VAC14: variants seen among roughly 807,000 people sequenced by gnomAD.
VAC14 encodes the protein protein VAC14 homolog.
In VAC14, 47 loss-of-function variants were observed where a neutral mutation model predicts 85.3. The ratio of observed to expected loss-of-function variants is 0.55; its 90% confidence interval spans 0.44 to 0.70. The LOEUF is 0.70. Ranked by LOEUF, VAC14 falls within the 30% of genes least tolerant of loss-of-function variation. VAC14 has a pLI of 0.00. For synonymous variants in VAC14, 447 were observed against 430.5 expected (o/e 1.04, Z -0.47); for missense variants, 861 against 1,004.3 (o/e 0.86, Z 1.93).
At chr16:70,693,475 G>A (rs1322623645) in intron 17 of VAC14, among the ~76,000 whole-genome samples, 1 of 152,220 alleles carries the variant, frequency 6.6e-6, no homozygotes, top group Admixed American at 6.5e-5. Context: ...GGGCAGGATG[G>A]AAAAACGCCT....
At chr16:70,786,888 C>T (rs1344434334) in intron 1 of VAC14, among the ~76,000 whole-genome samples, 2 of 152,186 alleles carry the variant, frequency 1.3e-5, no homozygotes, top group African/African-American at 4.8e-5. Context: ...CTCCTCGGGC[C>T]GTCCAGGAGG....
At chr16:70,744,350 C>T (rs1487127502) in intron 13 of VAC14, 73 bp downstream of exon 13, 13 of 1,583,506 alleles carry the variant, frequency 8.2e-6, no homozygotes, top group African/African-American at 2.7e-5. Context: ...CCCAAAGGAC[C>T]GCCATGGTCC....
At chr16:70,775,659 G>C (rs1239574218) in intron 9 of VAC14, among the ~76,000 whole-genome samples, 1 of 152,234 alleles carries the variant, frequency 6.6e-6, no homozygotes, top group Non-Finnish European at 1.5e-5. Context: ...CTGTCTGATG[G>C]ACCAGGGCCT....
chr16:70,779,392 T>G (rs2033696647), intron 9 of VAC14, among the ~76,000 whole-genome samples: 1 of 152,232 alleles, frequency 6.6e-6, no homozygotes, highest in East Asian at 1.9e-4. Context: ...TGAGTAGGCT[T>G]AGTCTTCCCT....
At chr16:70,799,042 T>C (rs772187764) in intron 1 of VAC14, among the ~76,000 whole-genome samples, 1 of 152,170 alleles carries the variant, frequency 6.6e-6, no homozygotes, top group Non-Finnish European at 1.5e-5. Context: ...CTTACAGAAC[T>C]GTGTGCAGAG....
chr16:70,691,447 C>G, intron 18 of VAC14: 2 of 985,292 alleles, frequency 2.0e-6, no homozygotes, highest in Non-Finnish European at 2.4e-6. Context: ...CAGCAAGGCC[C>G]GGTGTGGCTT....
At chr16:70,795,919 T>C (rs2034526948) in intron 1 of VAC14, among the ~76,000 whole-genome samples, 1 of 152,198 alleles carries the variant, frequency 6.6e-6, no homozygotes, top group Admixed American at 6.5e-5. Context: ...GCCTCCATGA[T>C]GCCTGGCAGA....
intron 17 of VAC14, among the ~76,000 whole-genome samples, chr16:70,693,318 C>G (rs2053637070): frequency 6.6e-6 from 1 of 152,234 alleles, no homozygotes. Context: ...TTTCCCGCCC[C>G]CCGCTCAGCT....
chr16:70,693,337 G>A (rs1597846935), intron 17 of VAC14, among the ~76,000 whole-genome samples: 1 of 152,230 alleles, frequency 6.6e-6, no homozygotes, highest in Admixed American at 6.5e-5. Flanking sequence ...CTGCCTCCCT[G>A]GTGATACGAG....
At position 70,780,819 on chromosome 16, in the gene VAC14, G is replaced by A. The variant is rs1289872434; in HGVS notation, c.1067C>T (p.Ala356Val). 6.2e-7 allele frequency: 1 copy of A among 1,609,242 alleles called. No homozygotes were observed. Among genetic ancestry groups the A allele is most frequent in the Non-Finnish European group, 8.5e-7 (1 of 1,176,756 alleles). The change falls in exon 9 of 19, where the codon GCC becomes GTC. Residue 356 changes from alanine (A) to valine (V), a missense_variant. This residue lies in a region of VAC14 where 629 missense variants were observed against 703.1 expected (regional missense o/e 0.89). Coordinates refer to ENST00000261776, the MANE Select transcript of VAC14 (RefSeq NM_018052.5). ...QRQAEPTPDDALPKQEGTASG... is the reference protein window; with the variant it reads ...QRQAEPTPDDVLPKQEGTASG... ...GGCTGTGCCCTCCTGCTTTGGCAGGGCATCGTCAGGGGTGGGCTCTGCCTG... is the reference window on the plus strand; with the variant it reads ...GGCTGTGCCCTCCTGCTTTGGCAGGACATCGTCAGGGGTGGGCTCTGCCTG...
At chr16:70,742,444 T>C (rs2030423631) in intron 13 of VAC14, among the ~76,000 whole-genome samples, 1 of 152,182 alleles carries the variant, frequency 6.6e-6, no homozygotes, top group Non-Finnish European at 1.5e-5. Flanking sequence ...TCCCAAGGAC[T>C]TAAGGTTGGC....
At chr16:70,756,750 T>C (rs184172619) in intron 12 of VAC14, among the ~76,000 whole-genome samples, 1 of 152,292 alleles carries the variant, frequency 6.6e-6, no homozygotes, top group East Asian at 1.9e-4. Flanking sequence ...GGTACATCGC[T>C]GTACCCATGG....
chr16:70,775,126 T>G (rs75010018), intron 9 of VAC14, among the ~76,000 whole-genome samples: 6,501 of 152,306 alleles, frequency 0.043, 477 homozygotes, highest in African/African-American at 0.15. Context: ...TATGTCATTA[T>G]GGACTCCTGG....
intron 18 of VAC14, chr16:70,689,986 G>C (rs887230144): frequency 1.8e-5 from 18 of 985,328 alleles, no homozygotes; most frequent in Non-Finnish European, 2.0e-5. Flanking sequence ...TGTGTCTTCT[G>C]ATGCTGGGCA....
At chr16:70,698,479 C>T (rs1352421969) in intron 15 of VAC14, among the ~76,000 whole-genome samples, 158 bp downstream of exon 15, 2 of 152,192 alleles carry the variant, frequency 1.3e-5, no homozygotes, top group African/African-American at 4.8e-5. Flanking sequence ...AGCCACTCAC[C>T]CGGGATCCCT....
chr16:70,715,862 A>G (rs1425830617), intron 14 of VAC14: 1 of 152,208 alleles, frequency 6.6e-6, no homozygotes, highest in Non-Finnish European at 1.5e-5. Flanking sequence ...TTTAAATTTT[A>G]CAAGGGAAAA....
chr16:70,740,943 C>T (rs776581599), intron 13 of VAC14, among the ~76,000 whole-genome samples: 6 of 152,360 alleles, frequency 3.9e-5, no homozygotes, highest in South Asian at 4.1e-4. Flanking sequence ...TAGGCCAACA[C>T]GGCAGCTACC....
chr16:70,691,092 A>G, intron 18 of VAC14: 1 of 985,520 alleles, frequency 1.0e-6, no homozygotes, highest in Non-Finnish European at 1.2e-6. Context: ...CCTTGGCTCA[A>G]GACTTCCCTG....
intron 18 of VAC14, chr16:70,690,307 C>G (rs1283266982): frequency 1.0e-6 from 1 of 985,378 alleles, no homozygotes; most frequent in African/African-American, 1.7e-5. Flanking sequence ...AGGCCAGGCC[C>G]GCTCTCCCTG....
Sources: allele counts gnomAD v4.1 joint callset (sites outside exome capture counted in the v4.1 genomes callset), GRCh38; gene constraint gnomAD v4.1.1; regional missense constraint gnomAD v4.1.1; transcripts MANE v1.5; gene names NCBI Gene and HGNC (gene_info 2026-07-23, HGNC 2026-07-21).